STK33: variants seen among roughly 807,000 people sequenced by gnomAD.
STK33 encodes the protein serine/threonine-protein kinase 33.
STK33 carries 52 observed loss-of-function variants against 58.0 expected under a neutral mutation model. The ratio of observed to expected loss-of-function variants is 0.90; its 90% CI spans 0.72 to 1.13. The LOEUF is 1.13. Ranked by LOEUF, STK33 falls within the 50% of genes most tolerant of loss-of-function variation. STK33 has a pLI of 0.00. For synonymous variants in STK33, 215 were observed against 200.1 expected (o/e 1.07, Z -0.63); for missense variants, 630 against 604.2 (o/e 1.04, Z -0.45).
At chr11:8,476,354 A>G (rs918220583) in intron 4 of STK33, among the ~76,000 whole-genome samples, 8 of 152,382 alleles carry the variant, frequency 5.2e-5, no homozygotes, top group African/African-American at 1.9e-4. Flanking sequence ...TAAAAGATAG[A>G]AAAACATAAT....
chr11:8,422,644 T>C (rs1564915132), intron 14 of STK33, among the ~76,000 whole-genome samples: 1 of 152,192 alleles, frequency 6.6e-6, no homozygotes, highest in Non-Finnish European at 1.5e-5. Flanking sequence ...AAGTTTTCTA[T>C]TTATTAAGAC....
intron 9 of STK33, among the ~76,000 whole-genome samples, chr11:8,455,976 T>G (rs1946814634): frequency 6.6e-6 from 1 of 152,186 alleles, no homozygotes. Flanking sequence ...TCTTGTCTCT[T>G]TTTACATAAA....
the STK33 span, among the ~76,000 whole-genome samples, chr11:8,339,358 C>A: frequency 6.6e-6 from 1 of 152,204 alleles, no homozygotes; most frequent in Non-Finnish European, 1.5e-5. Context: ...ACCTTGTCTC[C>A]TCAGCCCCAA....
chr11:8,365,684 G>A, the STK33 span, among the ~76,000 whole-genome samples: 1 of 152,142 alleles, frequency 6.6e-6, no homozygotes, highest in African/African-American at 2.4e-5. Context: ...AGGGCCTTCA[G>A]CTACCTTTCC....
intron 1 of STK33, among the ~76,000 whole-genome samples, chr11:8,575,829 A>T (rs1354753404): frequency 6.6e-6 from 1 of 152,184 alleles, no homozygotes; most frequent in Non-Finnish European, 1.5e-5. Context: ...TTGAAAATCA[A>T]TCTAACTTAC....
At chr11:8,433,739 C>T (rs1359630287) in intron 14 of STK33, 1 of 152,192 alleles carries the variant, frequency 6.6e-6, no homozygotes, top group Non-Finnish European at 1.5e-5. Flanking sequence ...CTCTTAGCCT[C>T]ATTCTTCATC....
At chr11:8,468,303 T>C (rs1339759435) in intron 6 of STK33, among the ~76,000 whole-genome samples, 2 of 152,088 alleles carry the variant, frequency 1.3e-5, no homozygotes, top group Non-Finnish European at 2.9e-5. Context: ...TCCCATAGGG[T>C]CCCTCCCACA....
At chr11:8,430,017 G>T (rs1209489287) in intron 14 of STK33, among the ~76,000 whole-genome samples, 1 of 152,162 alleles carries the variant, frequency 6.6e-6, no homozygotes, top group South Asian at 2.1e-4. Context: ...CCAAGGGTGA[G>T]AGGGACAAAA....
chr11:8,462,799 G>A (rs557351806), intron 7 of STK33, among the ~76,000 whole-genome samples: 39 of 152,148 alleles, frequency 2.6e-4, no homozygotes, highest in African/African-American at 8.9e-4. Flanking sequence ...AATTCTAGAA[G>A]GGCTTTCTCC....
chr11:8,449,218 A>G (rs1013494840), intron 11 of STK33, among the ~76,000 whole-genome samples: 2 of 151,658 alleles, frequency 1.3e-5, no homozygotes, highest in African/African-American at 2.4e-5. Context: ...TGTGGAAGAC[A>G]GTGTGGCGAT....
the STK33 span, among the ~76,000 whole-genome samples, chr11:8,377,950 T>C: frequency 1.3e-5 from 2 of 152,112 alleles, no homozygotes; most frequent in East Asian, 1.9e-4. Context: ...AAAGAAACCA[T>C]AGGTGACACA....
chr11:8,536,375 G>A (rs1955001786), intron 1 of STK33, among the ~76,000 whole-genome samples: 1 of 152,076 alleles, frequency 6.6e-6, no homozygotes, highest in South Asian at 2.1e-4. Context: ...AGACTTCAGA[G>A]CAAAATTAAT....
At chr11:8,349,452 C>A in the STK33 span, among the ~76,000 whole-genome samples, 1 of 152,198 alleles carries the variant, frequency 6.6e-6, no homozygotes, top group Admixed American at 6.5e-5. Context: ...GCCTCACATG[C>A]AGGGCCCACG....
chr11:8,536,467 C>A (rs961994071), intron 1 of STK33, among the ~76,000 whole-genome samples: 1 of 152,254 alleles, frequency 6.6e-6, no homozygotes, highest in South Asian at 2.1e-4. Context: ...AGGAACTTCA[C>A]AATGGAAGGA....
At chr11:8,489,673 G>T (rs1433771636) in intron 1 of STK33, among the ~76,000 whole-genome samples, 1 of 152,084 alleles carries the variant, frequency 6.6e-6, no homozygotes, top group African/African-American at 2.4e-5. Context: ...CCTCTTAAAG[G>T]TCCTAACTCT....
intron 8 of STK33, among the ~76,000 whole-genome samples, chr11:8,459,045 C>T (rs1051732125): frequency 2.0e-5 from 3 of 152,154 alleles, no homozygotes; most frequent in Non-Finnish European, 4.4e-5. Flanking sequence ...CAGGACTGTA[C>T]AGTTCACTGG....
chr11:8,397,827 T>C (rs1849631742), intron 15 of STK33, among the ~76,000 whole-genome samples: 1 of 127,978 alleles, frequency 7.8e-6, no homozygotes, highest in Non-Finnish European at 1.6e-5. Flanking sequence ...TAAGCCTCAG[T>C]AGCCGATTCG....
chr11:8,426,583 C>A (rs779368915), intron 14 of STK33, among the ~76,000 whole-genome samples: 44 of 152,206 alleles, frequency 2.9e-4, no homozygotes, highest in Admixed American at 2.0e-3. Flanking sequence ...CCACCATGCC[C>A]AGCCTGTTTT....
chr11:8,464,828 GAA>G lies in STK33; in HGVS notation c.340-8_340-7del, dbSNP rs747532115. ...CTTCCAAAGGTATAGATTTCCTGGA[GAA>G]AAAAAAAAAAAGAGTTGTCTCTCTA... On this transcript the variant is annotated splice_region_variant and splice_polypyrimidine_tract_variant and intron_variant, in intron 6 of 15. Coordinates refer to ENST00000687296, the MANE Select transcript of STK33 (RefSeq NM_001352389.2). 432 of 1,139,126 alleles carry G rather than the reference GAA, an allele frequency of 3.8e-4. No homozygotes were observed. The highest frequency in any genetic ancestry group is 6.1e-4 in the South Asian group (41 of 67,344). The allele number at this position is 1,139,126 out of a possible 1,614,324, so 70.6% of individuals were successfully genotyped here.
Sources: allele counts gnomAD v4.1 joint callset (sites outside exome capture counted in the v4.1 genomes callset), GRCh38; gene constraint gnomAD v4.1.1; transcripts MANE v1.5; gene names NCBI Gene and HGNC (gene_info 2026-07-23, HGNC 2026-07-21).